Variants in VCL observed in about 807,000 individuals in gnomAD.
VCL encodes vinculin.
VCL carries 47 observed loss-of-function variants against 125.7 expected under a neutral mutation model. The ratio of observed to expected loss-of-function variants is 0.37; its 90% CI spans 0.30 to 0.48. VCL has a LOEUF of 0.48. VCL is among the 20% of genes least tolerant of loss of function. VCL has a pLI of 0.99. For synonymous variants in VCL, 458 were observed against 514.6 expected, an observed-to-expected ratio of 0.89 and a Z score of 1.49; for missense variants, 1,069 against 1,455.5, an observed-to-expected ratio of 0.73 and a Z score of 4.32.
intron 1 of VCL, among the ~76,000 whole-genome samples, chr10:74,035,785 C>A (rs1374710976): frequency 6.6e-6 from 1 of 152,234 alleles, no homozygotes; most frequent in Non-Finnish European, 1.5e-5. Context: ...TTCCACACTT[C>A]TGCATTTAGC....
intron 10 of VCL, among the ~76,000 whole-genome samples, chr10:74,091,221 A>C (rs1322253899): frequency 6.6e-6 from 1 of 152,192 alleles, no homozygotes; most frequent in Non-Finnish European, 1.5e-5. Flanking sequence ...TACTCTTAGG[A>C]CCTAATGGAA....
Position 74,071,035 on chromosome 10 carries a change from G to A in VCL, c.451G>A (p.Val151Met). Residue 151 changes from valine (V) to methionine (M), a missense_variant, in exon 4 of 22, where the codon GTG becomes ATG. By Grantham distance (21) the Val-to-Met change is conservative. Coordinates refer to ENST00000211998, the MANE Select transcript of VCL (RefSeq NM_014000.3). The surrounding 1 kb of genome is among the most constrained non-coding windows in gnomAD (Gnocchi z 4.1). ...ILEYLTVAEV[V>M]ETMEDLVTYT... ...GGAATATCTTACAGTGGCAGAGGTGGTGGAGACTATGGAAGATTTGGTCAC... is the reference window on the plus strand; with the variant it reads ...GGAATATCTTACAGTGGCAGAGGTGATGGAGACTATGGAAGATTTGGTCAC... 6.2e-7 allele frequency: 1 copy of A among 1,614,170 alleles called. No individual in the cohort carries two copies. Among genetic ancestry groups the A allele is most frequent in the Non-Finnish European group, 8.5e-7 (1 of 1,180,010 alleles).
At position 74,090,072 on chromosome 10, in the gene VCL, G is replaced by A. The variant is rs1018998675; in HGVS notation, c.1226G>A (p.Arg409Gln). 14 of 1,614,002 alleles carry A rather than the reference G, an allele frequency of 8.7e-6. No individual in the cohort carries two copies. Among genetic ancestry groups the A allele is most frequent in the East Asian group, 2.2e-5 (1 of 44,892 alleles). The stretch of plus-strand genomic sequence containing the variant: ...GGACCGGAAGGAGAAGAGCAGATTC[G>A]AGGTGCTTTGGCTGAAGCTCGGAAA... ...NGGPEGEEQIRGALAEARKIA... is the reference protein window; with the variant it reads ...NGGPEGEEQIQGALAEARKIA... Residue 409 changes from arginine (R) to glutamine (Q), a missense_variant, in exon 10 of 22, where the codon CGA becomes CAA. Physicochemically the swap from Arg to Gln is conservative, Grantham distance 43 (BLOSUM62 1). Around this residue, in one of 6 missense-constraint regions of VCL, gnomAD observed 760 missense variants for 928.9 expected, o/e 0.82. Coordinates refer to ENST00000211998, the MANE Select transcript of VCL (RefSeq NM_014000.3).
At chr10:74,106,643 C>G (rs1840139585) in intron 16 of VCL, among the ~76,000 whole-genome samples, 1 of 152,232 alleles carries the variant, frequency 6.6e-6, no homozygotes, top group South Asian at 2.1e-4. Flanking sequence ...CTATTCATCT[C>G]TGGTTCAGGC....
intron 16 of VCL, among the ~76,000 whole-genome samples, chr10:74,106,940 A>G (rs1266309930): frequency 6.6e-6 from 1 of 152,194 alleles, no homozygotes; most frequent in East Asian, 1.9e-4. Flanking sequence ...GATGGATGCC[A>G]CCTGAGCCCA....
rs140308982 is a variant in VCL at position 74,111,959 on chromosome 10, T to C, written c.2796T>C (p.Asp932=). ...EVGIGVVAEA[D]AADAAGFPVP... ...GTATAGGTGTTGTAGCTGAGGCAGA[T>C]GCGGCCGATGCTGCTGGCTTCCCTG... is the stretch of plus-strand genomic sequence containing the variant. The change falls in exon 19 of 22, where the codon GAT becomes GAC. Residue 932 remains aspartate (D), a synonymous_variant. Coordinates refer to ENST00000211998, the MANE Select transcript of VCL (RefSeq NM_014000.3). The C allele has an allele frequency of 1.6e-4, 265 of 1,614,098 alleles. No homozygotes were observed. The highest frequency in any genetic ancestry group is 2.1e-4 in the Non-Finnish European group (251 of 1,180,034).
chr10:74,055,457 A>T (rs960893598), intron 2 of VCL, among the ~76,000 whole-genome samples: 3 of 151,686 alleles, frequency 2.0e-5, no homozygotes, highest in African/African-American at 7.3e-5. Flanking sequence ...TGATCCTCTC[A>T]TCTCAGCCTC....
At position 74,087,185 on chromosome 10, in the gene VCL, C is replaced by T. The variant is rs1038364199; in HGVS notation, c.1023-2011C>T. On this transcript the variant is annotated intron_variant, in intron 8 of 21. Transcript: ENST00000211998. Reference sequence around the variant, plus strand: ...CTAAAAGTCTTCCCCTCTTCTGCCACATAAAAGGAAGGCCTCAACTTCAAG... The same window carrying T: ...CTAAAAGTCTTCCCCTCTTCTGCCATATAAAAGGAAGGCCTCAACTTCAAG... 4.6e-5 allele frequency among the ~76,000 whole-genome samples: 7 copies of T among 152,026 alleles called. No homozygotes were observed. In the South Asian group the frequency reaches 1.2e-3, roughly 27 times the overall value.
intron 2 of VCL, among the ~76,000 whole-genome samples, chr10:74,061,213 A>G (rs1290185238): frequency 6.6e-6 from 1 of 152,222 alleles, no homozygotes; most frequent in Non-Finnish European, 1.5e-5. Flanking sequence ...CCAATTTTCC[A>G]TACACAAGAC....
intron 1 of VCL, chr10:74,016,777 C>T (rs951834910): frequency 7.2e-4 from 110 of 152,092 alleles, no homozygotes; most frequent in African/African-American, 2.6e-3. Flanking sequence ...CATCACATAC[C>T]TCCAGAACCT....
At chr10:73,998,449 C>T in intron 1 of VCL, 74 bp downstream of exon 1, 5 of 1,283,176 alleles carry the variant, frequency 3.9e-6, no homozygotes, top group Non-Finnish European at 4.9e-6. Flanking sequence ...TCGCGGCTGC[C>T]TGTGGCCGGC....
intron 8 of VCL, among the ~76,000 whole-genome samples, chr10:74,088,781 C>T (rs1364144109): frequency 6.6e-6 from 1 of 152,186 alleles, no homozygotes; most frequent in African/African-American, 2.4e-5. Flanking sequence ...GAAACATTTT[C>T]AATGTATACT....
intron 1 of VCL, among the ~76,000 whole-genome samples, chr10:74,029,639 T>G (rs900823024): frequency 3.3e-5 from 5 of 152,346 alleles, no homozygotes; most frequent in Admixed American, 6.5e-5. Context: ...TTGCTTGACA[T>G]CAGAACTTGC....
intron 1 of VCL, among the ~76,000 whole-genome samples, chr10:74,034,729 C>T (rs1267528687): frequency 1.3e-5 from 2 of 152,102 alleles, no homozygotes; most frequent in African/African-American, 2.4e-5. Context: ...TGGATGTGGC[C>T]TCTTAAACAC....
At chr10:74,009,081 C>T (rs754906197) in intron 1 of VCL, among the ~76,000 whole-genome samples, 5 of 151,858 alleles carry the variant, frequency 3.3e-5, no homozygotes, top group Non-Finnish European at 5.9e-5. Flanking sequence ...GAAGGACGTC[C>T]CATTGAAAGC....
At chr10:74,110,852 G>A (rs1840208845) in intron 18 of VCL, among the ~76,000 whole-genome samples, 2 of 152,062 alleles carry the variant, frequency 1.3e-5, no homozygotes, top group South Asian at 4.1e-4. Context: ...TTCTTTCCAT[G>A]TTAGTCTATT....
rs1840150193 is a variant in VCL at position 73,998,161 on chromosome 10, T to A, written c.-47T>A. The A allele has an allele frequency of 6.2e-7, 1 of 1,600,068 alleles. No individual in the cohort carries two copies. Among genetic ancestry groups the A allele is most frequent in the East Asian group, 2.3e-5 (1 of 44,022 alleles). On this transcript the variant is annotated 5_prime_UTR_variant, in exon 1 of 22. Transcript: ENST00000211998. Reference sequence around the variant, plus strand: ...CTTCGCCGGTTCCCGGCCCCGTGGATCCTACTTCTCTGTCGCCCGCGGTTC... The same window carrying A: ...CTTCGCCGGTTCCCGGCCCCGTGGAACCTACTTCTCTGTCGCCCGCGGTTC...
At chr10:74,107,630 G>A (rs963405519) in intron 17 of VCL, among the ~76,000 whole-genome samples, 2 of 152,032 alleles carry the variant, frequency 1.3e-5, no homozygotes, top group African/African-American at 4.8e-5. Flanking sequence ...AGCTGGCTTT[G>A]GTAAGTGTGG....
intron 14 of VCL, among the ~76,000 whole-genome samples, 198 bp from the exon 15 acceptor site, chr10:74,103,622 G>A (rs1312368997): frequency 1.3e-5 from 2 of 152,194 alleles, no homozygotes; most frequent in African/African-American, 4.8e-5. Context: ...AGGCTGTGAT[G>A]GTAAAACCTT....
Sources: allele counts gnomAD v4.1 joint callset (sites outside exome capture counted in the v4.1 genomes callset), GRCh38; gene constraint gnomAD v4.1.1; regional missense constraint gnomAD v4.1.1; non-coding constraint Gnocchi (gnomAD v3.1); transcripts MANE v1.5; gene names NCBI Gene and HGNC (gene_info 2026-07-23, HGNC 2026-07-21).